Variants in RUNX1 observed in about 807,000 individuals in gnomAD.
RUNX1 encodes RUNX family transcription factor 1, also known as runt-related transcription factor 1.
RUNX1 carries 19 observed loss-of-function variants against 42.8 expected under a neutral mutation model. That is an observed-to-expected ratio of 0.44 (90% CI 0.31 to 0.65). The LOEUF is 0.65. Ranked by LOEUF, RUNX1 falls within the 30% of genes least tolerant of loss-of-function variation. RUNX1 has a pLI of 0.07. For synonymous variants in RUNX1, 271 were observed against 289.4 expected (o/e 0.94, Z 0.64); for missense variants, 528 against 672.0 (o/e 0.79, Z 2.37).
intron 2 of RUNX1, among the ~76,000 whole-genome samples, chr21:35,033,725 T>C (rs1362972677): frequency 2.0e-5 from 3 of 152,218 alleles, no homozygotes; most frequent in Admixed American, 1.3e-4. Flanking sequence ...TCTGAAACTT[T>C]TGACTAAATG....
chr21:34,910,957 A>G lies in RUNX1; in HGVS notation c.59-17994T>C, dbSNP rs147949568. Among the ~76,000 whole-genome samples the G allele has an allele frequency of 2.6e-3, 393 of 152,208 alleles. 3 individuals carry two copies. The highest frequency in any genetic ancestry group is 9.1e-3 in the African/African-American group (378 of 41,538). ...CACTAATTTTTAAACATTTTTAGAC[A>G]TGAGGTCTCCTTATTTGCCCCAGCT... On this transcript the variant is annotated intron_variant, in intron 2 of 8. Transcript: ENST00000675419.
At chr21:34,872,831 C>T (rs1044758237) in intron 5 of RUNX1, among the ~76,000 whole-genome samples, 6 of 152,074 alleles carry the variant, frequency 3.9e-5, no homozygotes, top group Admixed American at 2.0e-4. Context: ...ACCCAATACA[C>T]GACCACCAAA....
chr21:34,975,962 T>C (rs1362082559), intron 2 of RUNX1, among the ~76,000 whole-genome samples: 1 of 152,000 alleles, frequency 6.6e-6, no homozygotes, highest in African/African-American at 2.4e-5. Context: ...TCACGGCCAG[T>C]TGAGTTGTGT....
intron 6 of RUNX1, among the ~76,000 whole-genome samples, chr21:34,846,437 G>A (rs2057317735): frequency 6.6e-6 from 1 of 151,668 alleles, no homozygotes; most frequent in African/African-American, 2.4e-5. Flanking sequence ...CCTTCCTGAG[G>A]TTAGAAGATG....
At chr21:34,816,277 G>A (rs2056824939) in intron 7 of RUNX1, among the ~76,000 whole-genome samples, 1 of 152,212 alleles carries the variant, frequency 6.6e-6, no homozygotes, top group Non-Finnish European at 1.5e-5. Flanking sequence ...CTCTGGGCTA[G>A]GTTCGTGGGG....
rs1296563590 is a variant in RUNX1, at chr21:34,863,645, C to A, written c.509-4067G>T. Among the ~76,000 whole-genome samples, 2 of 149,110 alleles carry A rather than the reference C, an allele frequency of 1.3e-5. 1 individual carries two copies. Among genetic ancestry groups the A allele is most frequent in the Non-Finnish European group, 3.0e-5 (2 of 67,618 alleles). ...TCTCGGCTCACTGCAACCTCTGCCTCCCGGGTTCAAGCGATTCTCCTGCCT... is the reference window on the plus strand; with the variant it reads ...TCTCGGCTCACTGCAACCTCTGCCTACCGGGTTCAAGCGATTCTCCTGCCT... On this transcript the variant is annotated intron_variant, in intron 5 of 8. Transcript: ENST00000675419.
At chr21:35,046,988 G>A (rs924920366) in intron 2 of RUNX1, among the ~76,000 whole-genome samples, 5 of 152,044 alleles carry the variant, frequency 3.3e-5, no homozygotes, top group African/African-American at 9.7e-5. Flanking sequence ...GGGCTTGTCC[G>A]GGAGATAGCC....
Position 34,884,166 on chromosome 21 carries a change from A to C in RUNX1, c.351+2677T>G, listed in dbSNP as rs946696781. The stretch of plus-strand genomic sequence containing the variant: ...CAAACTTAAGGTTTTCTTAGTAGTA[A>C]AAAACATGTATCTCTCATACTGTAA... On this transcript the variant is annotated intron_variant, in intron 4 of 8. Coordinates refer to ENST00000675419, the MANE Select transcript of RUNX1 (RefSeq NM_001754.5). Among the ~76,000 whole-genome samples, 5 of 152,216 alleles carry C rather than the reference A, an allele frequency of 3.3e-5. No individual in the cohort carries two copies. In the East Asian group the frequency reaches 9.6e-4, roughly 29 times the overall value.
chr21:34,934,055 C>G lies in RUNX1; in HGVS notation c.59-41092G>C, dbSNP rs115055390. Among the ~76,000 whole-genome samples, 174 of 152,268 alleles carry G rather than the reference C, an allele frequency of 1.1e-3. 2 individuals are homozygous for G. The highest frequency in any genetic ancestry group is 4.0e-3 in the African/African-American group (168 of 41,556). Reference sequence around the variant, plus strand: ...TGAGAGGCAGTGGATAGGGAGAATCCAGCAGATAAGTTGCTTGCCTTTGTT... The same window carrying G: ...TGAGAGGCAGTGGATAGGGAGAATCGAGCAGATAAGTTGCTTGCCTTTGTT... On this transcript the variant is annotated intron_variant, in intron 2 of 8. Transcript: ENST00000675419.
At chr21:34,855,733 A>G (rs372855950) in intron 6 of RUNX1, among the ~76,000 whole-genome samples, 32 of 152,126 alleles carry the variant, frequency 2.1e-4, no homozygotes, top group African/African-American at 6.5e-4. Flanking sequence ...AAACAAACAA[A>G]AAACTCTCAA....
At chr21:34,871,545 A>G (rs568573457) in intron 5 of RUNX1, among the ~76,000 whole-genome samples, 2 of 152,274 alleles carry the variant, frequency 1.3e-5, no homozygotes, top group Non-Finnish European at 2.9e-5. Flanking sequence ...GGGAACACCT[A>G]GGGGAGTCTC....
At chr21:34,977,562 G>C (rs2058812165) in intron 2 of RUNX1, among the ~76,000 whole-genome samples, 1 of 152,250 alleles carries the variant, frequency 6.6e-6, no homozygotes, top group Admixed American at 6.5e-5. Context: ...TTTGCGGAGA[G>C]AGGGGTAGGA....
intron 2 of RUNX1, chr21:35,038,446 C>G: frequency 2.2e-6 from 1 of 447,128 alleles, no homozygotes; most frequent in Non-Finnish European, 4.5e-6. Context: ...AGAGAAGCTA[C>G]GTCCTGGTGA....
chr21:34,982,985 C>A (rs763945460), intron 2 of RUNX1, among the ~76,000 whole-genome samples: 3 of 152,244 alleles, frequency 2.0e-5, no homozygotes, highest in African/African-American at 2.4e-5. Context: ...CCAAAGTCCA[C>A]TATATTAAGC....
chr21:34,868,795 G>A (rs1480935214), intron 5 of RUNX1, among the ~76,000 whole-genome samples: 4 of 152,194 alleles, frequency 2.6e-5, no homozygotes, highest in East Asian at 3.8e-4. Flanking sequence ...GCTGACCGTC[G>A]TATTTCTCAT....
chr21:34,888,906 G>C (rs997331059), intron 3 of RUNX1, among the ~76,000 whole-genome samples: 2 of 151,756 alleles, frequency 1.3e-5, no homozygotes, highest in South Asian at 2.1e-4. Context: ...CGGGGAGTCG[G>C]AGGCCACCCC....
chr21:34,913,093 G>T (rs1413801349), intron 2 of RUNX1, among the ~76,000 whole-genome samples: 9 of 152,246 alleles, frequency 5.9e-5, no homozygotes, highest in South Asian at 2.1e-4. Flanking sequence ...TTAGCTGGGG[G>T]TGGTGGTGGG....
chr21:34,908,949 CTGTGTGTGTGTA>C (rs60973230), intron 2 of RUNX1, among the ~76,000 whole-genome samples: 5,850 of 151,816 alleles, frequency 0.039, 325 homozygotes, highest in African/African-American at 0.13. Context: ...GTGTGTGTGT[CTGTGTGTGTGTA>C]TGTGTGTGCT....
chr21:34,860,541 G>A (rs1024929408), intron 5 of RUNX1, among the ~76,000 whole-genome samples: 1 of 151,886 alleles, frequency 6.6e-6, no homozygotes, highest in Admixed American at 6.6e-5. Context: ...GTGTGTGTGT[G>A]TGTGTGTGTG....
Sources: allele counts gnomAD v4.1 joint callset (sites outside exome capture counted in the v4.1 genomes callset), GRCh38; gene constraint gnomAD v4.1.1; transcripts MANE v1.5; gene names NCBI Gene and HGNC (gene_info 2026-07-23, HGNC 2026-07-21).